Variants in AVEN observed in about 807,000 individuals in gnomAD.
AVEN encodes the protein cell death regulator Aven.
AVEN carries 41 observed loss-of-function variants against 38.1 expected under a neutral mutation model. The observed-to-expected ratio is 1.08, with a 90% CI of 0.84 to 1.40. AVEN has a LOEUF of 1.40. AVEN is among the 40% of genes most tolerant of loss of function. The pLI is 0.00. For missense variants in AVEN, 605 were observed against 438.8 expected, an observed-to-expected ratio of 1.38 and a Z score of -3.38; for synonymous variants, 206 against 171.8, an observed-to-expected ratio of 1.20 and a Z score of -1.56.
intron 5 of AVEN, among the ~76,000 whole-genome samples, chr15:34,058,886 T>C (rs1201122098): frequency 1.3e-5 from 2 of 152,122 alleles, no homozygotes; most frequent in African/African-American, 2.4e-5. Context: ...CATAGTCCAA[T>C]TTCCTTTTTT....
downstream of AVEN, among the ~76,000 whole-genome samples, chr15:33,855,204 C>A (rs1007256770): frequency 1.4e-5 from 2 of 147,480 alleles, no homozygotes; most frequent in East Asian, 4.0e-4. Flanking sequence ...CCTTGGAGAT[C>A]TTTTTTTTTT....
chr15:33,870,895 C>T (rs1890918683), intron 4 of AVEN, 40 bp downstream of exon 4: 1 of 1,498,044 alleles, frequency 6.7e-7, no homozygotes, highest in South Asian at 1.1e-5. Flanking sequence ...TCTCCTCCTG[C>T]CCTAATCCAC....
At chr15:34,020,024 G>A (rs1011718627) in intron 1 of AVEN, among the ~76,000 whole-genome samples, 1 of 152,180 alleles carries the variant, frequency 6.6e-6, no homozygotes, top group Non-Finnish European at 1.5e-5. Flanking sequence ...CAAAATAGAG[G>A]TTTTAGGCTG....
At chr15:34,048,218 T>C (rs1447917873) in intron 5 of AVEN, among the ~76,000 whole-genome samples, 1 of 152,222 alleles carries the variant, frequency 6.6e-6, no homozygotes, top group Non-Finnish European at 1.5e-5. Flanking sequence ...TCCTCCTCAC[T>C]GGGTGGGATC....
intron 2 of AVEN, among the ~76,000 whole-genome samples, chr15:33,932,206 T>A (rs1023256670): frequency 3.3e-5 from 5 of 152,238 alleles, no homozygotes; most frequent in Admixed American, 6.5e-5. Flanking sequence ...TTGGTCTTTT[T>A]TTGTAACTTA....
At chr15:34,031,053 T>C (rs1898764742) in intron 1 of AVEN, among the ~76,000 whole-genome samples, 1 of 152,088 alleles carries the variant, frequency 6.6e-6, no homozygotes, top group African/African-American at 2.4e-5. Context: ...GTCAGTAACT[T>C]GACACAGTTA....
chr15:34,057,287 C>A (rs1900192219), intron 5 of AVEN, among the ~76,000 whole-genome samples: 1 of 141,914 alleles, frequency 7.0e-6, no homozygotes, highest in African/African-American at 2.6e-5. Context: ...TAGGCACATG[C>A]CACCACGCCC....
chr15:33,990,504 T>G (rs1207043374), intron 2 of AVEN, among the ~76,000 whole-genome samples: 2 of 152,246 alleles, frequency 1.3e-5, no homozygotes, highest in African/African-American at 4.8e-5. Context: ...GGAATACAAC[T>G]TAAACTCAGA....
chr15:33,954,633 C>G (rs1894888559), intron 2 of AVEN, among the ~76,000 whole-genome samples: 1 of 142,566 alleles, frequency 7.0e-6, no homozygotes, highest in Non-Finnish European at 1.5e-5. Flanking sequence ...TGGGGAACAT[C>G]ACACCCCAGG....
intron 2 of AVEN, among the ~76,000 whole-genome samples, chr15:33,919,615 A>G (rs1431071165): frequency 6.6e-6 from 1 of 152,244 alleles, no homozygotes; most frequent in East Asian, 1.9e-4. Flanking sequence ...AATTCTGTCC[A>G]CTACTCAGCA....
At chr15:33,876,432 C>CATGCCTATAATA (rs1555503428) in intron 2 of AVEN, among the ~76,000 whole-genome samples, 1 of 90,100 alleles carries the variant, frequency 1.1e-5, no homozygotes, top group Non-Finnish European at 3.2e-5. Context: ...ATTAGCTGGG[C>CATGCCTATAATA]GTGGTGGCAC....
intron 2 of AVEN, among the ~76,000 whole-genome samples, chr15:33,963,987 A>G (rs1169097219): frequency 2.0e-5 from 3 of 151,964 alleles, no homozygotes; most frequent in African/African-American, 7.2e-5. Flanking sequence ...AAAAGACTCC[A>G]GTCATTAGGA....
chr15:33,890,376 G>A (rs1891888594), intron 2 of AVEN, among the ~76,000 whole-genome samples: 1 of 152,174 alleles, frequency 6.6e-6, no homozygotes, highest in Non-Finnish European at 1.5e-5. Context: ...ATTTAGGAAG[G>A]AGGGAAATAA....
At chr15:33,958,441 A>G (rs556981893) in intron 2 of AVEN, among the ~76,000 whole-genome samples, 4 of 152,144 alleles carry the variant, frequency 2.6e-5, no homozygotes, top group South Asian at 2.1e-4. Flanking sequence ...CAACAAAAAA[A>G]TCAGCCAGGC....
At chr15:34,032,114 T>C (rs1463305270) in intron 1 of AVEN, among the ~76,000 whole-genome samples, 4 of 152,244 alleles carry the variant, frequency 2.6e-5, no homozygotes, top group South Asian at 2.1e-4. Flanking sequence ...CAGTAGCTTC[T>C]ATCAAATAGA....
chr15:33,863,058 C>G (rs530243364), downstream of AVEN, among the ~76,000 whole-genome samples: 128 of 150,626 alleles, frequency 8.5e-4, no homozygotes, highest in Non-Finnish European at 1.5e-3. Flanking sequence ...GGTTATAGAC[C>G]AGTGGAAGGA....
intron 2 of AVEN, among the ~76,000 whole-genome samples, chr15:33,922,760 T>C (rs1448664899): frequency 1.3e-5 from 2 of 152,160 alleles, no homozygotes; most frequent in African/African-American, 4.8e-5. Flanking sequence ...CCTAATTCTC[T>C]ATATTATCTC....
At chr15:33,963,449 T>A (rs1363449498) in intron 2 of AVEN, among the ~76,000 whole-genome samples, 1 of 152,112 alleles carries the variant, frequency 6.6e-6, no homozygotes, top group Non-Finnish European at 1.5e-5. Context: ...TTGTATGAAG[T>A]GCTTCCCTAA....
intron 1 of AVEN, among the ~76,000 whole-genome samples, chr15:34,026,996 C>T (rs1157117630): frequency 7.3e-6 from 1 of 136,310 alleles, no homozygotes; most frequent in Non-Finnish European, 1.6e-5. Context: ...ATGGCTGCTT[C>T]AAAAAATAGA....
Sources: gnomAD v4.1 joint callset for allele counts (sites outside exome capture counted in the v4.1 genomes callset) on GRCh38, gnomAD v4.1.1 for gene constraint, MANE v1.5 for transcripts, NCBI Gene and HGNC (gene_info 2026-07-23, HGNC 2026-07-21) for gene names.